The following LACTB2 variants were observed in gnomAD, a reference collection of about 807,000 sequenced individuals.
The protein encoded by LACTB2 is endoribonuclease LACTB2.
Under a neutral mutation model 34.8 loss-of-function variants are expected in LACTB2, and 32 were observed. That is an observed-to-expected ratio of 0.92 (90% CI 0.69 to 1.24). The LOEUF is 1.24. Among genes scored for constraint, LACTB2 ranks in the 50% most tolerant of loss-of-function variants. The pLI is 0.00. For synonymous variants in LACTB2, 120 were observed against 117.5 expected (o/e 1.02, Z -0.14); for missense variants, 320 against 345.0 (o/e 0.93, Z 0.57).
rs377384873 is a variant in LACTB2, at chr8:70,661,775, T to C, written c.245A>G (p.His82Arg). The change falls in exon 2 of 7, where the codon CAT (histidine) becomes CGT (arginine). Residue 82 changes from histidine to arginine, a missense_variant. Coordinates refer to ENST00000276590, the MANE Select transcript of LACTB2 (RefSeq NM_016027.3). ...EIVVTHWHRD[H>R]SGGIGDICKS... is the part of the protein sequence containing the mutation. Reference sequence around the variant, plus strand: ...ACAAATATCTCCTATGCCTCCAGAATGATCTCGGTGCCAGTGAGTCACTAC... The same window carrying C: ...ACAAATATCTCCTATGCCTCCAGAACGATCTCGGTGCCAGTGAGTCACTAC... 6.2e-7 allele frequency: 1 copy of C among 1,613,584 alleles called. No homozygotes were observed.
rs1818484222 is a variant in LACTB2, at chr8:70,661,824, A to C, written c.196T>G (p.Phe66Val). ...ACAATTTCCTGGATTGCTGTGTTAA[A>C]TTCAGTTAGAGCCTGCTTTAAACAG... ...ISCLKQALTE[F>V]NTAIQEIVVT... is the part of the protein sequence containing the mutation. Residue 66 changes from phenylalanine (F) to valine (V), a missense_variant, in exon 2 of 7, where the codon TTT becomes GTT. By Grantham distance (50) the Phe-to-Val change is conservative (BLOSUM62 -1). Transcript: ENST00000276590. The C allele has an allele frequency of 6.2e-7, 1 of 1,613,764 alleles. No homozygotes were observed. The highest frequency in any genetic ancestry group is 1.7e-5 in the Admixed American group (1 of 59,954).
rs191503122 is a variant in LACTB2, at chr8:70,651,899, A to G, written c.413+5857T>C. ...TGTGGCCTTCCTATTTCGCAGGTAGAAAATTTATCTAGTTCTGTTACTTCT... is the reference window on the plus strand; with the variant it reads ...TGTGGCCTTCCTATTTCGCAGGTAGGAAATTTATCTAGTTCTGTTACTTCT... On this transcript the variant is annotated intron_variant, in intron 3 of 6. Coordinates refer to ENST00000276590, the MANE Select transcript of LACTB2 (RefSeq NM_016027.3). 1.1e-3 allele frequency: 165 copies of G among 152,312 alleles called. 2 individuals carry two copies. The highest frequency in any genetic ancestry group is 3.9e-3 in the African/African-American group (163 of 41,568). 9.4% of individuals were successfully genotyped at this position (152,312 alleles called of 1,614,324 possible).
At chr8:70,648,283 A>G (rs2132072837) in intron 3 of LACTB2, among the ~76,000 whole-genome samples, 1 of 152,336 alleles carries the variant, frequency 6.6e-6, no homozygotes, top group East Asian at 1.9e-4. Flanking sequence ...GCATCTAAGG[A>G]AAGTTATGTT....
At position 70,644,051 on chromosome 8, in the gene LACTB2, T is replaced by A; in HGVS notation, c.592+14A>T. 2 of 1,501,060 alleles carry A rather than the reference T, an allele frequency of 1.3e-6. No individual in the cohort carries two copies. The highest frequency in any genetic ancestry group is 1.8e-6 in the Non-Finnish European group (2 of 1,126,324). The allele number at this position is 1,501,060 out of a possible 1,614,324, so 93.0% of individuals were successfully genotyped here. On this transcript the variant is annotated intron_variant, in intron 4 of 6. Transcript: ENST00000276590. The stretch of plus-strand genomic sequence containing the variant: ...AAAAACATAAAAATATAAAAAAATT[T>A]AAAAATTACCCACCTGGATATATAA...
intron 1 of LACTB2, among the ~76,000 whole-genome samples, chr8:70,667,663 G>A (rs1818548833): frequency 6.6e-6 from 1 of 152,172 alleles, no homozygotes; most frequent in South Asian, 2.1e-4. Context: ...TAAAGATACA[G>A]TATGTATTTT....
intron 3 of LACTB2, among the ~76,000 whole-genome samples, chr8:70,650,759 GA>G (rs1165759024): frequency 1.1e-5 from 1 of 92,308 alleles, no homozygotes; most frequent in South Asian, 3.5e-4. Flanking sequence ...AAAAAAAAAA[GA>G]AAAAAAAAGA....
intron 3 of LACTB2, among the ~76,000 whole-genome samples, chr8:70,650,097 C>T (rs1818319492): frequency 6.6e-6 from 1 of 152,160 alleles, no homozygotes; most frequent in Non-Finnish European, 1.5e-5. Flanking sequence ...ATCCTCCCAC[C>T]TTCATCTCCC....
intron 5 of LACTB2, among the ~76,000 whole-genome samples, chr8:70,639,124 T>C (rs1007827180): frequency 1.3e-5 from 2 of 152,152 alleles, no homozygotes; most frequent in African/African-American, 4.8e-5. Context: ...TATACTCCTA[T>C]AGATAGAATA....
Position 70,657,825 on chromosome 8 carries a change from C to T in LACTB2, c.344G>A (p.Gly115Glu). The T allele has an allele frequency of 6.2e-7, 1 of 1,611,654 alleles. No homozygotes were observed. The highest frequency in any genetic ancestry group is 8.5e-7 in the Non-Finnish European group (1 of 1,177,930). ...ATAAACATATTGTTGCTCTCCATTT[C>T]CTATAATTTCTTCTCTCTGAGGATT... ...PRNPQREEII[G>E]NGEQQYVYLK... The change falls in exon 3 of 7, where the codon GGA becomes GAA. Residue 115 changes from glycine to glutamate, a missense_variant. Physicochemically the swap from Gly to Glu is moderately conservative, Grantham distance 98. Coordinates refer to ENST00000276590, the MANE Select transcript of LACTB2 (RefSeq NM_016027.3).
rs527334312 is a variant in LACTB2 at position 70,640,955 on chromosome 8, C to G, written c.688G>C (p.Glu230Gln). 3.1e-6 allele frequency: 5 copies of G among 1,608,154 alleles called. No homozygotes were observed. The South Asian group carries it at 4.5e-5, about 14-fold the overall frequency. ...REQQILTLFR[E>Q]NFEKSFTVME... Reference sequence around the variant, plus strand: ...ACTGTAAATGATTTCTCAAAGTTCTCACGAAATAATGTAAGAATTTGCTGC... The same window carrying G: ...ACTGTAAATGATTTCTCAAAGTTCTGACGAAATAATGTAAGAATTTGCTGC... Residue 230 changes from glutamate to glutamine, a missense_variant, in exon 5 of 7, where the codon GAG (glutamate) becomes CAG (glutamine). Transcript: ENST00000276590.
chr8:70,650,598 C>T (rs532263135), intron 3 of LACTB2, among the ~76,000 whole-genome samples: 20 of 151,906 alleles, frequency 1.3e-4, no homozygotes, highest in South Asian at 6.2e-4. Flanking sequence ...GGCGTGGTGG[C>T]GGATGCCTGT....
chr8:70,661,782 G>A lies in LACTB2; in HGVS notation c.238C>T (p.Arg80Ter), dbSNP rs745905427. The change falls in exon 2 of 7, where the codon CGA (arginine) becomes TGA (stop). Residue 80 changes from arginine to a stop codon, truncating the protein, a stop_gained. Coordinates refer to ENST00000276590, the MANE Select transcript of LACTB2 (RefSeq NM_016027.3). LOFTEE classifies it high-confidence loss of function. ...IQEIVVTHWH[R>*]DHSGGIGDIC... is the part of the protein sequence containing the mutation. ...TCTCCTATGCCTCCAGAATGATCTC[G>A]GTGCCAGTGAGTCACTACAATTTCC... 3.7e-6 allele frequency: 6 copies of A among 1,613,086 alleles called. No homozygotes were observed. Among genetic ancestry groups the A allele is most frequent in the East Asian group, 2.2e-5 (1 of 44,808 alleles).
intron 3 of LACTB2, among the ~76,000 whole-genome samples, chr8:70,649,333 G>C (rs970740922): frequency 4.6e-5 from 7 of 152,272 alleles, no homozygotes; most frequent in African/African-American, 1.4e-4. Flanking sequence ...TAGCTGGAAG[G>C]CTTAAAGGGT....
intron 6 of LACTB2, 29 bp downstream of exon 6, chr8:70,638,518 TA>T: frequency 6.6e-7 from 1 of 1,520,284 alleles, no homozygotes; most frequent in Non-Finnish European, 8.8e-7. Flanking sequence ...TAAATGCTGG[TA>T]ATAGAAGAAA....
intron 2 of LACTB2, chr8:70,660,411 G>A (rs1409077840): frequency 5.5e-6 from 2 of 365,512 alleles, no homozygotes; most frequent in Non-Finnish European, 1.1e-5. Context: ...GGAGCTAAGA[G>A]GGTAAGGAAG....
At position 70,644,152 on chromosome 8, in the gene LACTB2, C is replaced by A. The variant is rs1361298724; in HGVS notation, c.505G>T (p.Glu169Ter). ...AIFSGDCILG[E>*]GTTVFEDLYD... The stretch of plus-strand genomic sequence containing the variant: ...AGGTCTTCAAATACCGTTGTTCCTT[C>A]CCCTAGGATGCAATCTCCAGAAAAG... The change falls in exon 4 of 7, where the codon GAA becomes TAA. Residue 169 changes from glutamate (E) to a stop codon, truncating the protein, a stop_gained. Transcript: ENST00000276590. LOFTEE classifies it high-confidence loss of function. The A allele has an allele frequency of 1.2e-6, 2 of 1,613,004 alleles. No homozygotes were observed. The highest frequency in any genetic ancestry group is 1.7e-6 in the Non-Finnish European group (2 of 1,179,366).
chr8:70,657,843 T>C lies in LACTB2; in HGVS notation c.326A>G (p.Gln109Arg). The change falls in exon 3 of 7, where the codon CAG becomes CGG. Residue 109 changes from glutamine to arginine, a missense_variant. Physicochemically the swap from Gln to Arg is conservative, Grantham distance 43. Transcript: ENST00000276590. Reference protein sequence around the residue: ...YCIKKLPRNPQREEIIGNGEQ... With the variant: ...YCIKKLPRNPRREEIIGNGEQ... ...TCCATTTCCTATAATTTCTTCTCTC[T>C]GAGGATTCCGTGGGAGTTTTTTAAT... is the stretch of plus-strand genomic sequence containing the variant. 7 of 1,609,892 alleles carry C rather than the reference T, an allele frequency of 4.3e-6. No homozygotes were observed. Among genetic ancestry groups the C allele is most frequent in the Non-Finnish European group, 6.0e-6 (7 of 1,176,296 alleles).
At chr8:70,655,961 G>A (rs558172316) in intron 3 of LACTB2, among the ~76,000 whole-genome samples, 19 of 152,256 alleles carry the variant, frequency 1.2e-4, no homozygotes, top group African/African-American at 4.1e-4. Flanking sequence ...GTGATGTTGA[G>A]TATTTTTTCA....
chr8:70,668,257 C>G (rs1818563357), intron 1 of LACTB2, among the ~76,000 whole-genome samples: 1 of 152,208 alleles, frequency 6.6e-6, no homozygotes. Flanking sequence ...ACTACATTAT[C>G]TGGGTTCATC....
Sources: gnomAD v4.1 joint callset for allele counts (sites outside exome capture counted in the v4.1 genomes callset) on GRCh38, gnomAD v4.1.1 for gene constraint, MANE v1.5 for transcripts, NCBI Gene and HGNC (gene_info 2026-07-23, HGNC 2026-07-21) for gene names.